Variants in SDK1 observed in about 807,000 individuals in gnomAD.
SDK1 encodes protein sidekick-1.
SDK1 carries 157 observed loss-of-function variants against 245.5 expected under a neutral mutation model. The ratio of observed to expected loss-of-function variants is 0.64; its 90% CI spans 0.56 to 0.73. SDK1 has a LOEUF of 0.73. Ranked by LOEUF, SDK1 falls within the 30% of genes least tolerant of loss-of-function variation. The pLI, the probability that SDK1 is intolerant of heterozygous loss-of-function variation, is 0.00. For synonymous variants in SDK1, 1,647 were observed against 1,278.5 expected (o/e 1.29, Z -6.15); for missense variants, 3,583 against 3,002.3 (o/e 1.19, Z -4.52).
intron 32 of SDK1, among the ~76,000 whole-genome samples, chr7:4,169,250 C>T (rs1039733921): frequency 1.3e-5 from 2 of 152,318 alleles, no homozygotes; most frequent in African/African-American, 4.8e-5. Flanking sequence ...GAGGAAGCTC[C>T]GTTCTGGCCA....
chr7:3,756,378 C>T (rs1356915157), intron 4 of SDK1, among the ~76,000 whole-genome samples: 2 of 151,688 alleles, frequency 1.3e-5, no homozygotes, highest in African/African-American at 4.9e-5. Context: ...TTTCACATGG[C>T]ATAGCACATG....
intron 4 of SDK1, among the ~76,000 whole-genome samples, chr7:3,651,132 T>TG (rs1435675270): frequency 6.7e-6 from 1 of 149,258 alleles, no homozygotes; most frequent in African/African-American, 2.5e-5. Context: ...TAGTTTTAGT[T>TG]TTTTTTTTTT....
intron 5 of SDK1, among the ~76,000 whole-genome samples, chr7:3,906,392 G>C (rs1447949163): frequency 6.8e-6 from 1 of 147,074 alleles, no homozygotes; most frequent in Non-Finnish European, 1.5e-5. Flanking sequence ...ATGTGTGTGT[G>C]TGTGTGTGAG....
chr7:4,207,882 G>A (rs751717625), intron 36 of SDK1, among the ~76,000 whole-genome samples: 3 of 152,110 alleles, frequency 2.0e-5, no homozygotes, highest in Non-Finnish European at 2.9e-5. Flanking sequence ...GTTAAACATC[G>A]TCTCCCAAAC....
chr7:3,465,340 T>TA (rs1780965151), intron 1 of SDK1, among the ~76,000 whole-genome samples: 1 of 151,912 alleles, frequency 6.6e-6, no homozygotes, highest in Non-Finnish European at 1.5e-5. Flanking sequence ...AAACTATGAG[T>TA]AAAAAAATAC....
chr7:3,971,426 C>T, intron 11 of SDK1, 40 bp from the exon 12 acceptor site: 3 of 1,442,080 alleles, frequency 2.1e-6, no homozygotes, highest in Admixed American at 1.8e-5. Context: ...AACTGTCAAA[C>T]TTGTCATTTC....
At chr7:3,609,318 T>C (rs1444633123) in intron 1 of SDK1, among the ~76,000 whole-genome samples, 1 of 152,178 alleles carries the variant, frequency 6.6e-6, no homozygotes, top group African/African-American at 2.4e-5. Context: ...GCTATTGCTT[T>C]GTTGATTGAG....
At chr7:3,923,534 C>T (rs1779665223) in intron 5 of SDK1, among the ~76,000 whole-genome samples, 1 of 152,206 alleles carries the variant, frequency 6.6e-6, no homozygotes. Context: ...TGTGGGCATC[C>T]CCTGAGTACC....
At chr7:4,252,869 G>C (rs1583180961) in intron 44 of SDK1, among the ~76,000 whole-genome samples, 2 of 131,350 alleles carry the variant, frequency 1.5e-5, no homozygotes, top group Non-Finnish European at 3.2e-5. Flanking sequence ...TCACTCATTT[G>C]TGTCTTTCTA....
intron 1 of SDK1, among the ~76,000 whole-genome samples, chr7:3,566,752 A>T (rs1779932915): frequency 6.6e-6 from 1 of 152,026 alleles, no homozygotes; most frequent in South Asian, 2.1e-4. Flanking sequence ...TTGCAATCCA[A>T]GGAGAAAAAT....
At chr7:3,835,862 G>A (rs1780018782) in intron 5 of SDK1, among the ~76,000 whole-genome samples, 1 of 152,168 alleles carries the variant, frequency 6.6e-6, no homozygotes, top group African/African-American at 2.4e-5. Context: ...CACACATCCT[G>A]AGTTTCTGCC....
In SDK1 at chr7:3,872,368, T is replaced by A. The variant is rs372456334; in HGVS notation, c.847+50785T>A. Among the ~76,000 whole-genome samples, 344 of 152,246 alleles carry A rather than the reference T, an allele frequency of 2.3e-3. 6 individuals are homozygous for A. In the South Asian group the frequency reaches 0.029, roughly 13 times the overall value. On this transcript the variant is annotated intron_variant, in intron 5 of 44. Transcript: ENST00000404826. ...TCTGTAAGATATCGTATAGAGTTGT[T>A]ATGTTCGGAAGATTTAACTAGTGAC...
At chr7:4,184,026 G>T (rs1172049219) in intron 35 of SDK1, among the ~76,000 whole-genome samples, 1 of 152,178 alleles carries the variant, frequency 6.6e-6, no homozygotes, top group Non-Finnish European at 1.5e-5. Flanking sequence ...TTTCTGGAAG[G>T]AGAAAGCCAG....
intron 1 of SDK1, among the ~76,000 whole-genome samples, chr7:3,470,460 A>G (rs1282586209): frequency 6.6e-6 from 1 of 152,206 alleles, no homozygotes. Context: ...CACTATTTTG[A>G]CCTTTTAAAG....
At chr7:4,128,632 T>C (rs1405852959) in intron 26 of SDK1, among the ~76,000 whole-genome samples, 1 of 61,630 alleles carries the variant, frequency 1.6e-5, no homozygotes, top group Non-Finnish European at 3.2e-5. Flanking sequence ...AGCTTGGGGT[T>C]GGGTGCCCTG....
intron 1 of SDK1, among the ~76,000 whole-genome samples, chr7:3,467,427 G>C (rs1393255346): frequency 6.6e-6 from 1 of 151,844 alleles, no homozygotes; most frequent in Non-Finnish European, 1.5e-5. Flanking sequence ...AAAATGTATA[G>C]TATAAAAATA....
At chr7:4,226,936 A>AT (rs112497435) in intron 40 of SDK1, among the ~76,000 whole-genome samples, 46,540 of 147,570 alleles carry the variant, frequency 0.32, 7,623 homozygotes, top group African/African-American at 0.42. Flanking sequence ...ATTGTATTGC[A>AT]TTTTTTTTTT....
rs192988371 is a variant in SDK1 at position 3,920,437 on chromosome 7, A to G, written c.848-30486A>G. ...GGTCAGCGGGATTTATGACATGGTC[A>G]TCTACGGGGAGAAAGAGCCAGGGAG... On this transcript the variant is annotated intron_variant, in intron 5 of 44. Coordinates refer to ENST00000404826, the MANE Select transcript of SDK1 (RefSeq NM_152744.4). Among the ~76,000 whole-genome samples, 141 of 152,286 alleles carry G rather than the reference A, an allele frequency of 9.3e-4. 1 individual carries two copies. Among genetic ancestry groups the G allele is most frequent in the Middle Eastern group, 6.8e-3 (2 of 294 alleles).
Position 3,696,728 on chromosome 7 carries a change from A to G in SDK1, c.713+54623A>G, listed in dbSNP as rs115461683. ...TTAACAAAAGTAATCAAAGGATGAA[A>G]TAATATATATTTAATTATTTTTGAG... On this transcript the variant is annotated intron_variant, in intron 4 of 44. Transcript: ENST00000404826. 1.4e-3 allele frequency among the ~76,000 whole-genome samples: 216 copies of G among 152,274 alleles called. 1 individual carries two copies. The highest frequency in any genetic ancestry group is 5.1e-3 in the African/African-American group (210 of 41,556).
Sources: gnomAD v4.1 joint callset for allele counts (sites outside exome capture counted in the v4.1 genomes callset) on GRCh38, gnomAD v4.1.1 for gene constraint, MANE v1.5 for transcripts, NCBI Gene and HGNC (gene_info 2026-07-23, HGNC 2026-07-21) for gene names.